EYS: variants seen among roughly 807,000 people sequenced by gnomAD.
EYS encodes the protein EGF-like photoreceptor maintenance factor.
EYS carries 250 observed loss-of-function variants against 282.1 expected under a neutral mutation model. That is an observed-to-expected ratio of 0.89 (90% CI 0.80 to 0.98). The LOEUF is 0.98. EYS is among the 50% of genes least tolerant of loss of function. EYS has a pLI of 0.00. For synonymous variants in EYS, 1,355 were observed against 1,282.9 expected (o/e 1.06, Z -1.20); for missense variants, 4,016 against 3,709.0 (o/e 1.08, Z -2.15).
chr6:65,606,385 G>A (rs538802002), intron 2 of EYS, among the ~76,000 whole-genome samples: 183 of 151,796 alleles, frequency 1.2e-3, no homozygotes, highest in Middle Eastern at 3.4e-3. Flanking sequence ...GAAAGCATAC[G>A]AGTTTGTATA....
chr6:64,599,281 C>G (rs1249895650), intron 24 of EYS, among the ~76,000 whole-genome samples: 1 of 152,074 alleles, frequency 6.6e-6, no homozygotes, highest in Non-Finnish European at 1.5e-5. Flanking sequence ...ATTTGGGAAG[C>G]AGGGACTGAT....
At chr6:64,346,446 A>G (rs1771400038) in intron 29 of EYS, among the ~76,000 whole-genome samples, 1 of 151,692 alleles carries the variant, frequency 6.6e-6, no homozygotes, top group Non-Finnish European at 1.5e-5. Context: ...GCAAACTATC[A>G]CAAGGACAAA....
intron 19 of EYS, among the ~76,000 whole-genome samples, chr6:64,845,396 A>C (rs1008902679): frequency 5.9e-5 from 9 of 152,172 alleles, no homozygotes; most frequent in African/African-American, 2.2e-4. Context: ...TCTAATATAC[A>C]CATCTTGGTC....
At chr6:64,005,124 C>T (rs548167929) in intron 33 of EYS, among the ~76,000 whole-genome samples, 65 of 152,286 alleles carry the variant, frequency 4.3e-4, no homozygotes, top group Non-Finnish European at 8.8e-4. Flanking sequence ...TTGCCAGCAT[C>T]TGTAATTTTT....
At chr6:65,019,421 C>T (rs962480554) in intron 13 of EYS, among the ~76,000 whole-genome samples, 25 of 152,226 alleles carry the variant, frequency 1.6e-4, no homozygotes, top group African/African-American at 5.8e-4. Flanking sequence ...CACAACATTC[C>T]AAAGAGCTTG....
chr6:64,816,309 T>C (rs1764740331), intron 21 of EYS, among the ~76,000 whole-genome samples: 1 of 152,118 alleles, frequency 6.6e-6, no homozygotes, highest in African/African-American at 2.4e-5. Context: ...AATGCGTATA[T>C]TCAAAATCTC....
intron 20 of EYS, 86 bp downstream of exon 20, chr6:64,822,565 C>T (rs1046025381): frequency 1.2e-5 from 13 of 1,121,438 alleles, no homozygotes; most frequent in Admixed American, 6.3e-5. Context: ...TTAAAATTAT[C>T]TTTATCAACT....
chr6:65,567,605 G>A (rs986731000), intron 2 of EYS, among the ~76,000 whole-genome samples: 6 of 151,916 alleles, frequency 3.9e-5, no homozygotes, highest in Non-Finnish European at 8.8e-5. Flanking sequence ...TAGGTTTCTA[G>A]GAAATGTATC....
At chr6:64,907,948 T>C (rs1382886430) in intron 16 of EYS, among the ~76,000 whole-genome samples, 1 of 151,278 alleles carries the variant, frequency 6.6e-6, no homozygotes, top group Non-Finnish European at 1.5e-5. Flanking sequence ...GGGAAGAGAG[T>C]GGTTTAATGA....
intron 22 of EYS, among the ~76,000 whole-genome samples, chr6:64,768,041 T>A (rs559528527): frequency 2.0e-5 from 3 of 152,142 alleles, no homozygotes; most frequent in African/African-American, 4.8e-5. Flanking sequence ...ATAAATTGTA[T>A]TATTTGATGA....
At chr6:64,335,517 G>A (rs891022835) in intron 29 of EYS, among the ~76,000 whole-genome samples, 3 of 152,070 alleles carry the variant, frequency 2.0e-5, no homozygotes, top group Admixed American at 6.6e-5. Context: ...CCTGTCTCAC[G>A]TAGTTCCCAC....
intron 11 of EYS, among the ~76,000 whole-genome samples, chr6:65,314,975 A>C (rs528943621): frequency 6.6e-6 from 1 of 152,232 alleles, no homozygotes; most frequent in African/African-American, 2.4e-5. Flanking sequence ...TCTCATTCCA[A>C]TGCTTGATAG....
chr6:64,106,351 C>G (rs1049802834), intron 31 of EYS, among the ~76,000 whole-genome samples: 4 of 151,584 alleles, frequency 2.6e-5, no homozygotes, highest in Non-Finnish European at 4.4e-5. Flanking sequence ...GAAAAAAAAT[C>G]TTTGATGAAT....
chr6:65,446,448 G>C (rs1408185660), intron 5 of EYS, among the ~76,000 whole-genome samples: 2 of 151,802 alleles, frequency 1.3e-5, no homozygotes, highest in Non-Finnish European at 2.9e-5. Context: ...TAAATGCTTT[G>C]ATTTGAAGAG....
At position 65,621,659 on chromosome 6, in the gene EYS, T is replaced by C. The variant is rs527688276; in HGVS notation, c.-333+18119A>G. On this transcript the variant is annotated intron_variant, in intron 2 of 42. Coordinates refer to ENST00000503581, the MANE Select transcript of EYS (RefSeq NM_001142800.2). ...GTTTCTTCCTAGTCTCGATGGTCTT[T>C]ACATTTTGGCATGATTTTGCAGCGG... 3.9e-5 allele frequency among the ~76,000 whole-genome samples: 6 copies of C among 152,232 alleles called. No homozygotes were observed. In the East Asian group the frequency reaches 1.2e-3, roughly 29 times the overall value.
chr6:63,888,127 C>A (rs1562080107), intron 35 of EYS, among the ~76,000 whole-genome samples: 1 of 152,218 alleles, frequency 6.6e-6, no homozygotes, highest in Non-Finnish European at 1.5e-5. Context: ...GAAAGAAAGG[C>A]AGCAGCCCCA....
chr6:64,306,777 G>C (rs1348072283), intron 30 of EYS, among the ~76,000 whole-genome samples, 193 bp downstream of exon 30: 1 of 152,068 alleles, frequency 6.6e-6, no homozygotes, highest in Non-Finnish European at 1.5e-5. Flanking sequence ...TATAAGTAAT[G>C]GTCCATCTTA....
chr6:64,912,305 T>G (rs994561940), intron 16 of EYS, among the ~76,000 whole-genome samples, 179 bp downstream of exon 16: 3 of 152,124 alleles, frequency 2.0e-5, no homozygotes, highest in African/African-American at 7.2e-5. Flanking sequence ...GATTAACTCC[T>G]TTGGTGCATT....
intron 2 of EYS, among the ~76,000 whole-genome samples, chr6:65,638,409 GA>G (rs1308810218): frequency 6.6e-6 from 1 of 152,180 alleles, no homozygotes; most frequent in Non-Finnish European, 1.5e-5. Context: ...AACTCCCCCC[GA>G]TCGCCATGCT....
Sources: gnomAD v4.1 joint callset for allele counts (sites outside exome capture counted in the v4.1 genomes callset) on GRCh38, gnomAD v4.1.1 for gene constraint, MANE v1.5 for transcripts, NCBI Gene and HGNC (gene_info 2026-07-23, HGNC 2026-07-21) for gene names.